Variants in SEMA6A observed in about 807,000 individuals in gnomAD.
SEMA6A encodes the protein semaphorin 6A, also known as semaphorin-6A.
SEMA6A carries 25 observed loss-of-function variants against 96.8 expected under a neutral mutation model. That is an observed-to-expected ratio of 0.26 (90% CI 0.19 to 0.36). The LOEUF is 0.36. Ranked by LOEUF, SEMA6A falls within the 10% of genes least tolerant of loss-of-function variation. The probability of loss-of-function intolerance (pLI) is 1.00; values close to 1 mark genes in which losing one functional copy is unlikely to be tolerated. For missense variants in SEMA6A, 1,363 were observed against 1,323.1 expected (o/e 1.03, Z -0.47); for synonymous variants, 612 against 518.0 (o/e 1.18, Z -2.46).
intron 1 of SEMA6A, among the ~76,000 whole-genome samples, chr5:116,551,317 T>TACACGCATAC (rs141255034): frequency 7.0e-6 from 1 of 142,414 alleles, no homozygotes; most frequent in Admixed American, 7.1e-5. Flanking sequence ...AGTCTTAGCA[T>TACACGCATAC]ACACACACAC....
intron 1 of SEMA6A, among the ~76,000 whole-genome samples, chr5:116,524,589 C>A (rs890556199): frequency 1.3e-5 from 2 of 151,690 alleles, no homozygotes; most frequent in Admixed American, 6.6e-5. Context: ...ATCAAGAGGG[C>A]AGCTGTCAGA....
intron 1 of SEMA6A, among the ~76,000 whole-genome samples, chr5:116,568,790 G>A (rs1761103714): frequency 6.6e-6 from 1 of 151,328 alleles, no homozygotes; most frequent in South Asian, 2.1e-4. Context: ...AATGATGCAT[G>A]AGCCATACCA....
At chr5:116,472,715 T>A in intron 17 of SEMA6A, 3 of 564,346 alleles carry the variant, frequency 5.3e-6, no homozygotes, top group Non-Finnish European at 9.0e-6. Flanking sequence ...TTGTCTCACA[T>A]AGGCAGAGTA....
At position 116,485,664 on chromosome 5, in the gene SEMA6A, G is replaced by C. The variant is rs553416722; in HGVS notation, c.962+1085C>G. 2.4e-4 allele frequency among the ~76,000 whole-genome samples: 37 copies of C among 152,006 alleles called. 1 individual carries two copies. The South Asian group carries it at 7.7e-3, about 32-fold the overall frequency. On this transcript the variant is annotated intron_variant, in intron 10 of 18. Transcript: ENST00000343348. ...GTTATCCTTTAGTTTTATCATTTTG[G>C]TGCCTGTCATTTAGGCACTCATCAA...
At chr5:116,477,550 G>C (rs1457005119) in intron 15 of SEMA6A, among the ~76,000 whole-genome samples, 1 of 152,172 alleles carries the variant, frequency 6.6e-6, no homozygotes, top group African/African-American at 2.4e-5. Flanking sequence ...CTCCCACCAT[G>C]ATGATCAAGG....
chr5:116,504,730 C>G, intron 2 of SEMA6A, 115 bp downstream of exon 2: 1 of 762,208 alleles, frequency 1.3e-6, no homozygotes, highest in Non-Finnish European at 2.2e-6. Flanking sequence ...TTGCCACATA[C>G]AGAGGACTAA....
chr5:116,551,633 G>C (rs73780375), intron 1 of SEMA6A, among the ~76,000 whole-genome samples: 30,190 of 152,044 alleles, frequency 0.2, 3,183 homozygotes, highest in African/African-American at 0.26. Context: ...CCCAGGCACT[G>C]GCTTCTCTGC....
At chr5:116,495,846 T>C (rs1757572460) in intron 5 of SEMA6A, 2 of 345,692 alleles carry the variant, frequency 5.8e-6, no homozygotes, top group Non-Finnish European at 5.4e-6. Flanking sequence ...AAGCTGCTGG[T>C]TGAAGTGTGT....
rs2112561960 is a variant in SEMA6A, at chr5:116,444,966, T to G, written c.*1647A>C. 1 of 152,786 alleles carries G rather than the reference T, an allele frequency of 6.5e-6. No homozygotes were observed. The highest frequency in any genetic ancestry group is 2.1e-4 in the South Asian group (1 of 4,822). 9.5% of individuals were successfully genotyped at this position (152,786 alleles called of 1,614,324 possible). A position where few individuals can be genotyped will look rare whatever the true frequency, so the allele number is the denominator to read the frequency against. On this transcript the variant is annotated 3_prime_UTR_variant, in exon 19 of 19. Coordinates refer to ENST00000343348, the MANE Select transcript of SEMA6A (RefSeq NM_020796.5). ...TAAGGATATCACCGTATTGAAATAA[T>G]CTAAGGGAAGCAGGGAGCTCTTGAG...
intron 1 of SEMA6A, among the ~76,000 whole-genome samples, chr5:116,553,654 T>C (rs2112889587): frequency 6.6e-6 from 1 of 152,272 alleles, no homozygotes; most frequent in Admixed American, 6.5e-5. Context: ...TACCCGGCCT[T>C]GGTTGCTGGG....
At chr5:116,498,492 A>C (rs1757718724) in intron 3 of SEMA6A, 1 of 150,936 alleles carries the variant, frequency 6.6e-6, no homozygotes. Flanking sequence ...TAACAGGCCG[A>C]CTCACGTGAA....
chr5:116,495,267 C>G (rs1757536480), intron 6 of SEMA6A, 146 bp downstream of exon 6: 4 of 675,448 alleles, frequency 5.9e-6, no homozygotes, highest in Non-Finnish European at 1.1e-5. Context: ...CTTAGGATCA[C>G]TCATGTGGAG....
intron 1 of SEMA6A, among the ~76,000 whole-genome samples, chr5:116,506,615 A>G (rs1189499344): frequency 6.6e-6 from 1 of 152,104 alleles, no homozygotes; most frequent in Non-Finnish European, 1.5e-5. Context: ...GCAGAAATAA[A>G]TAACAAAAGT....
At chr5:116,480,780 G>C (rs1305884089) in intron 11 of SEMA6A, among the ~76,000 whole-genome samples, 6 of 152,214 alleles carry the variant, frequency 3.9e-5, no homozygotes, top group African/African-American at 1.4e-4. Flanking sequence ...GGCTCGCTCA[G>C]AGAACATTTT....
intron 18 of SEMA6A, among the ~76,000 whole-genome samples, chr5:116,461,458 T>G (rs895703129): frequency 7.7e-5 from 11 of 142,392 alleles, no homozygotes; most frequent in Middle Eastern, 3.3e-3. Flanking sequence ...TTAGTATGAG[T>G]TTTTTTTTTC....
intron 1 of SEMA6A, among the ~76,000 whole-genome samples, chr5:116,517,990 A>T (rs1364709425): frequency 6.6e-6 from 1 of 152,196 alleles, no homozygotes; most frequent in Non-Finnish European, 1.5e-5. Context: ...CTGGCATCAG[A>T]AGCAATTGTC....
chr5:116,471,034 G>C (rs1336678997), intron 17 of SEMA6A, among the ~76,000 whole-genome samples: 1 of 152,146 alleles, frequency 6.6e-6, no homozygotes, highest in African/African-American at 2.4e-5. Context: ...CCCTTGCAAT[G>C]GTTTATTTTA....
chr5:116,542,826 C>G (rs1760029743), intron 1 of SEMA6A, among the ~76,000 whole-genome samples: 1 of 152,190 alleles, frequency 6.6e-6, no homozygotes, highest in African/African-American at 2.4e-5. Context: ...GTCTTCTGTT[C>G]AGGACTATTC....
intron 1 of SEMA6A, among the ~76,000 whole-genome samples, chr5:116,516,132 C>T (rs1042817369): frequency 1.1e-4 from 16 of 152,124 alleles, no homozygotes; most frequent in African/African-American, 3.9e-4. Flanking sequence ...TCCCAGAACC[C>T]TGAAAGCCAA....
Sources: allele counts gnomAD v4.1 joint callset (sites outside exome capture counted in the v4.1 genomes callset), GRCh38; gene constraint gnomAD v4.1.1; transcripts MANE v1.5; gene names NCBI Gene and HGNC (gene_info 2026-07-23, HGNC 2026-07-21).